The following CDCA8 variants were observed in gnomAD, a reference collection of about 807,000 sequenced individuals.
CDCA8 encodes the protein cell division cycle associated 8.
A neutral mutation model predicts 40.0 loss-of-function variants in CDCA8; 25 were observed. That is an observed-to-expected ratio of 0.63 (90% CI 0.46 to 0.87). CDCA8 has a LOEUF of 0.87. Among genes scored for constraint, CDCA8 ranks in the 40% least tolerant of loss-of-function variants. The pLI, the probability that CDCA8 is intolerant of heterozygous loss-of-function variation, is 0.00. For synonymous variants in CDCA8, 111 were observed against 126.5 expected, an observed-to-expected ratio of 0.88 and a Z score of 0.82; for missense variants, 280 against 348.4, an observed-to-expected ratio of 0.80 and a Z score of 1.56.
In CDCA8 at chr1:37,692,585, G is replaced by A; in HGVS notation, c.-106G>A. ...CCTTGTCTCGGGACCGCAGGTACGT[G>A]CCTGGCGACTTCTTCGGGTGGTCCC... On this transcript the variant is annotated 5_prime_UTR_variant, in exon 1 of 10. Coordinates refer to ENST00000373055, the MANE Select transcript of CDCA8 (RefSeq NM_001256875.2). 2 of 851,094 alleles carry A rather than the reference G, an allele frequency of 2.3e-6. No individual in the cohort carries two copies. Among genetic ancestry groups the A allele is most frequent in the Non-Finnish European group, 3.9e-6 (2 of 512,914 alleles). The allele number at this position is 851,094 out of a possible 1,614,324, so 52.7% of individuals were successfully genotyped here. A position where few individuals can be genotyped will look rare whatever the true frequency, so the allele number is the denominator to read the frequency against.
At chr1:37,707,354 T>C (rs1645608803) in intron 9 of CDCA8, among the ~76,000 whole-genome samples, 1 of 152,240 alleles carries the variant, frequency 6.6e-6, no homozygotes, top group African/African-American at 2.4e-5. Context: ...TAGGTCACTA[T>C]TGGCCACCAG....
intron 4 of CDCA8, among the ~76,000 whole-genome samples, chr1:37,700,164 G>C (rs374890966): frequency 6.6e-6 from 1 of 152,080 alleles, no homozygotes; most frequent in African/African-American, 2.4e-5. Flanking sequence ...CCAGGATTTC[G>C]GGGCTACACA....
chr1:37,693,039 A>C lies in CDCA8; in HGVS notation c.223+6A>C. The stretch of plus-strand genomic sequence containing the variant: ...GAACTGGCTTGACTACTTCGGTAAG[A>C]GCTGGAGAGCTTCCCTGGGCGGAGG... On this transcript the variant is annotated splice_donor_region_variant and intron_variant, in intron 2 of 9. Transcript: ENST00000373055. 2 of 1,613,044 alleles carry C rather than the reference A, an allele frequency of 1.2e-6. No individual in the cohort carries two copies. The highest frequency in any genetic ancestry group is 1.7e-6 in the Non-Finnish European group (2 of 1,179,266).
chr1:37,701,410 G>C (rs1317757599), intron 5 of CDCA8, among the ~76,000 whole-genome samples: 1 of 152,164 alleles, frequency 6.6e-6, no homozygotes, highest in East Asian at 1.9e-4. Context: ...GAGCACTGCA[G>C]GGTTTGCCTT....
chr1:37,705,384 T>C, intron 7 of CDCA8, 57 bp from the exon 8 acceptor site: 3 of 1,574,976 alleles, frequency 1.9e-6, no homozygotes, highest in Non-Finnish European at 2.6e-6. Flanking sequence ...AAATGGCCTA[T>C]AGAGTTTGGT....
chr1:37,702,474 A>C (rs981785458), intron 6 of CDCA8, among the ~76,000 whole-genome samples: 5 of 152,138 alleles, frequency 3.3e-5, no homozygotes, highest in Non-Finnish European at 7.4e-5. Flanking sequence ...TGAGTTGATT[A>C]TACTGGACTC....
Position 37,700,431 on chromosome 1 carries a change from T to TA in CDCA8, c.338-4dup. On this transcript the variant is annotated splice_region_variant and splice_polypyrimidine_tract_variant and intron_variant, in intron 4 of 9. Coordinates refer to ENST00000373055, the MANE Select transcript of CDCA8 (RefSeq NM_001256875.2). ...ATACCACCCTGTTGAAACTGTTTCT[T>TA]ACAGCACGAAAGGTAATACAGGTAG... is the stretch of plus-strand genomic sequence containing the variant. 1 of 1,580,812 alleles carries TA rather than the reference T, an allele frequency of 6.3e-7. No individual in the cohort carries two copies. The highest frequency in any genetic ancestry group is 2.2e-5 in the East Asian group (1 of 44,700).
intron 2 of CDCA8, among the ~76,000 whole-genome samples, chr1:37,694,790 G>C (rs1431771209): frequency 3.3e-5 from 5 of 152,222 alleles, no homozygotes; most frequent in African/African-American, 1.2e-4. Context: ...CATAGCCTGA[G>C]ATCTTAACTG....
intron 9 of CDCA8, among the ~76,000 whole-genome samples, chr1:37,707,776 G>A (rs1006757588): frequency 1.3e-5 from 2 of 152,196 alleles, no homozygotes; most frequent in East Asian, 1.9e-4. Flanking sequence ...ACCCATGATC[G>A]TGCTGCTGCA....
intron 8 of CDCA8, among the ~76,000 whole-genome samples, chr1:37,706,251 G>A (rs1431557188): frequency 6.6e-6 from 1 of 152,134 alleles, no homozygotes; most frequent in Admixed American, 6.5e-5. Context: ...GGGACTACAG[G>A]CACATGCCAC....
Position 37,692,774 on chromosome 1 carries a change from C to T in CDCA8, c.84C>T (p.Phe28=). 6.2e-7 allele frequency: 1 copy of T among 1,613,638 alleles called. No individual in the cohort carries two copies. Among genetic ancestry groups the T allele is most frequent in the Non-Finnish European group, 8.5e-7 (1 of 1,179,950 alleles). The change falls in exon 1 of 10, where the codon TTC becomes TTT. Residue 28 remains phenylalanine (F), a synonymous_variant. Transcript: ENST00000373055. ...AGCTCGCCTCCTTTCTGAAAGACTT[C>T]GACCGTGAAGGTAAGGGGCCAGGCC... ...RRKLASFLKD[F]DREVEIRIKQ... is the part of the protein sequence containing the mutation.
At position 37,708,330 on chromosome 1, in the gene CDCA8, C is replaced by T. The variant is rs115449591; in HGVS notation, c.807C>T (p.Leu269=). The T allele has an allele frequency of 9.7e-4, 1,570 of 1,614,076 alleles. 13 individuals are homozygous for T. In the African/African-American group the frequency reaches 0.018, roughly 19 times the overall value. The part of the protein sequence containing the change: ...LGNIKKLSNR[L]AQICSSIRTH... ...TCTCCTTTTCTTTTTAGAACCGTCT[C>T]GCCCAAATCTGCAGCAGCATACGGA... Residue 269 remains leucine (L), a synonymous_variant, in exon 10 of 10, where the codon CTC becomes CTT. Transcript: ENST00000373055.
rs149387234 is a variant in CDCA8 at position 37,698,118 on chromosome 1, A to C, written c.265-787A>C. 6.3e-4 allele frequency among the ~76,000 whole-genome samples: 96 copies of C among 152,352 alleles called. 2 individuals carry two copies. The highest frequency in any genetic ancestry group is 5.4e-3 in the Admixed American group (82 of 15,302). On this transcript the variant is annotated intron_variant, in intron 3 of 9. Coordinates refer to ENST00000373055, the MANE Select transcript of CDCA8 (RefSeq NM_001256875.2). The stretch of plus-strand genomic sequence containing the variant: ...AACCTTATTGAGACCCTGTAGATTT[A>C]TCGAAAAAATGGTAAGCTTGACACA...
At chr1:37,698,239 A>G (rs140509637) in intron 3 of CDCA8, among the ~76,000 whole-genome samples, 6 of 152,360 alleles carry the variant, frequency 3.9e-5, no homozygotes, top group Admixed American at 3.3e-4. Flanking sequence ...ACAATTTGGC[A>G]TAATGCGAAG....
intron 2 of CDCA8, 52 bp from the exon 3 acceptor site, chr1:37,695,858 C>T: frequency 6.5e-7 from 1 of 1,528,694 alleles, no homozygotes; most frequent in South Asian, 1.1e-5. Flanking sequence ...TACTATTAGG[C>T]AAGATGATTT....
At chr1:37,695,846 G>T in intron 2 of CDCA8, 64 bp from the exon 3 acceptor site, 2 of 1,432,108 alleles carry the variant, frequency 1.4e-6, no homozygotes, top group South Asian at 1.2e-5. Flanking sequence ...AAAGATAAAT[G>T]GTACTATTAG....
At chr1:37,701,479 T>C (rs1645563343) in intron 5 of CDCA8, among the ~76,000 whole-genome samples, 2 of 152,210 alleles carry the variant, frequency 1.3e-5, no homozygotes, top group South Asian at 4.1e-4. Flanking sequence ...TGTAAAGTAG[T>C]GGGGTACAAG....
At chr1:37,702,798 A>G (rs559028910) in intron 6 of CDCA8, among the ~76,000 whole-genome samples, 1 of 152,178 alleles carries the variant, frequency 6.6e-6, no homozygotes, top group Admixed American at 6.5e-5. Flanking sequence ...CTAAAAATAC[A>G]AAAATTAGCC....
At chr1:37,701,001 G>GT (rs1418848757) in intron 5 of CDCA8, among the ~76,000 whole-genome samples, 1 of 152,244 alleles carries the variant, frequency 6.6e-6, no homozygotes, top group African/African-American at 2.4e-5. Context: ...CCAGTGAGGT[G>GT]TGGGACCCAG....
Sources: allele counts gnomAD v4.1 joint callset (sites outside exome capture counted in the v4.1 genomes callset), GRCh38; gene constraint gnomAD v4.1.1; transcripts MANE v1.5; gene names NCBI Gene and HGNC (gene_info 2026-07-23, HGNC 2026-07-21).